Variants in NBAS observed in about 807,000 individuals in gnomAD.
NBAS encodes NBAS subunit of NRZ tethering complex.
In NBAS, 219 loss-of-function variants were observed where a neutral mutation model predicts 302.5. The observed-to-expected ratio is 0.72, with a 90% CI of 0.65 to 0.81. The LOEUF (loss-of-function observed/expected upper bound fraction) is 0.81, where lower values mean the gene tolerates loss of function less well. Ranked by LOEUF, NBAS falls within the 30% of genes least tolerant of loss-of-function variation. The probability of loss-of-function intolerance (pLI) is 0.00; values close to 1 mark genes in which losing one functional copy is unlikely to be tolerated. For synonymous variants in NBAS, 1,118 were observed against 1,021.6 expected, an observed-to-expected ratio of 1.09 and a Z score of -1.80; for missense variants, 2,932 against 2,841.6, an observed-to-expected ratio of 1.03 and a Z score of -0.72.
At chr2:14,855,169 G>T in the NBAS span, among the ~76,000 whole-genome samples, 3 of 152,006 alleles carry the variant, frequency 2.0e-5, no homozygotes, top group African/African-American at 7.3e-5. Flanking sequence ...CACACCCTGG[G>T]ACAGAAAGGA....
At chr2:15,192,506 T>A (rs1003743477) in intron 48 of NBAS, among the ~76,000 whole-genome samples, 2 of 151,828 alleles carry the variant, frequency 1.3e-5, no homozygotes, top group African/African-American at 4.8e-5. Context: ...AAAAGAAAAA[T>A]TACTATTAAA....
chr2:15,435,667 T>G (rs1423006648), intron 21 of NBAS, among the ~76,000 whole-genome samples: 1 of 152,180 alleles, frequency 6.6e-6, no homozygotes, highest in East Asian at 1.9e-4. Context: ...GAATCCCGCC[T>G]TTTCCAGCTC....
At chr2:15,495,435 G>GA (rs1227391466) in intron 11 of NBAS, among the ~76,000 whole-genome samples, 1 of 151,514 alleles carries the variant, frequency 6.6e-6, no homozygotes, top group African/African-American at 2.4e-5. Flanking sequence ...TGAGTAAAAT[G>GA]AAAAAACAGT....
chr2:14,983,674 T>C, the NBAS span, among the ~76,000 whole-genome samples: 2 of 152,162 alleles, frequency 1.3e-5, no homozygotes, highest in Admixed American at 6.5e-5. Flanking sequence ...ACAGAATTAA[T>C]AACTGCCAAA....
chr2:15,450,044 T>C (rs1384125103), intron 21 of NBAS, among the ~76,000 whole-genome samples: 1 of 152,150 alleles, frequency 6.6e-6, no homozygotes, highest in Non-Finnish European at 1.5e-5. Flanking sequence ...CATAAATATT[T>C]CATCATCCAG....
chr2:15,376,397 C>A (rs1237995720), intron 30 of NBAS, among the ~76,000 whole-genome samples: 2 of 152,102 alleles, frequency 1.3e-5, no homozygotes, highest in East Asian at 3.9e-4. Context: ...GAAACACCTG[C>A]CAAAAAGATT....
At chr2:15,404,768 C>T (rs577249137) in intron 25 of NBAS, among the ~76,000 whole-genome samples, 1 of 152,086 alleles carries the variant, frequency 6.6e-6, no homozygotes, top group South Asian at 2.1e-4. Context: ...CCACCTCAGG[C>T]TCCCAAAATG....
intron 42 of NBAS, among the ~76,000 whole-genome samples, chr2:15,283,658 CGT>C (rs1205945922): frequency 1.3e-5 from 2 of 152,038 alleles, no homozygotes; most frequent in African/African-American, 4.8e-5. Context: ...TTCATAGCAG[CGT>C]GAGAATGGAC....
chr2:14,940,859 C>T, the NBAS span, among the ~76,000 whole-genome samples: 1 of 152,214 alleles, frequency 6.6e-6, no homozygotes, highest in Non-Finnish European at 1.5e-5. Flanking sequence ...TACAACTCAC[C>T]ACATTGCAAT....
chr2:15,057,613 G>T, the NBAS span, among the ~76,000 whole-genome samples: 1 of 152,082 alleles, frequency 6.6e-6, no homozygotes, highest in African/African-American at 2.4e-5. Context: ...AAAGTCCATT[G>T]ATCATTCTTA....
chr2:15,209,024 T>C (rs937877444), intron 48 of NBAS, among the ~76,000 whole-genome samples: 3 of 152,000 alleles, frequency 2.0e-5, no homozygotes, highest in Non-Finnish European at 4.4e-5. Flanking sequence ...GGGCTTTTTT[T>C]AAAAGATAAA....
the NBAS span, among the ~76,000 whole-genome samples, chr2:14,918,459 C>T: frequency 1.3e-5 from 2 of 152,036 alleles, no homozygotes; most frequent in Non-Finnish European, 2.9e-5. Context: ...CTAAGCCTTT[C>T]AAGGATAAAA....
the NBAS span, among the ~76,000 whole-genome samples, chr2:14,987,887 T>C: frequency 8.5e-5 from 13 of 152,198 alleles, no homozygotes; most frequent in Non-Finnish European, 1.8e-4. Flanking sequence ...TTTTACATAG[T>C]TGATGTCTTA....
the NBAS span, among the ~76,000 whole-genome samples, chr2:14,971,439 C>T: frequency 1.3e-5 from 2 of 152,164 alleles, no homozygotes; most frequent in Non-Finnish European, 2.9e-5. Flanking sequence ...CACTTGAACT[C>T]AGGAGACGGA....
intron 31 of NBAS, among the ~76,000 whole-genome samples, chr2:15,369,884 A>G (rs1315874798): frequency 6.6e-6 from 1 of 152,216 alleles, no homozygotes. Context: ...CCAGCCACCT[A>G]TATTCCAAAT....
At chr2:15,511,426 T>C in intron 9 of NBAS, 76 bp from the exon 10 acceptor site, 1 of 1,376,262 alleles carries the variant, frequency 7.3e-7, no homozygotes, top group Non-Finnish European at 1.0e-6. Flanking sequence ...GCAGAAACAG[T>C]CACCTTGAGA....
chr2:14,789,789 T>G, the NBAS span, among the ~76,000 whole-genome samples: 1 of 152,228 alleles, frequency 6.6e-6, no homozygotes, highest in African/African-American at 2.4e-5. Flanking sequence ...CATGACAGAC[T>G]GAGCACAATT....
chr2:15,009,845 A>T, the NBAS span, among the ~76,000 whole-genome samples: 1 of 151,956 alleles, frequency 6.6e-6, no homozygotes, highest in Non-Finnish European at 1.5e-5. Context: ...ATCTCTACAC[A>T]TGCAGGAGTT....
chr2:15,205,580 G>A (rs1325039821), intron 48 of NBAS, among the ~76,000 whole-genome samples: 2 of 152,220 alleles, frequency 1.3e-5, no homozygotes, highest in East Asian at 1.9e-4. Context: ...GATATTCCAT[G>A]CCAATGGAAA....
Sources: allele counts gnomAD v4.1 joint callset (sites outside exome capture counted in the v4.1 genomes callset), GRCh38; gene constraint gnomAD v4.1.1; transcripts MANE v1.5; gene names NCBI Gene and HGNC (gene_info 2026-07-23, HGNC 2026-07-21).